ANKRD30BL: variants seen among roughly 807,000 people sequenced by gnomAD.
ANKRD30BL encodes putative ankyrin repeat domain-containing protein 30B-like.
A neutral mutation model predicts 18.4 loss-of-function variants in ANKRD30BL; 20 were observed. That is an observed-to-expected ratio of 1.09 (90% CI 0.77 to 1.58). The LOEUF is 1.58. ANKRD30BL is among the 40% of genes most tolerant of loss of function. The pLI is 0.00. For synonymous variants in ANKRD30BL, 72 were observed against 100.9 expected (o/e 0.71, Z 1.72); for missense variants, 224 against 268.6 (o/e 0.83, Z 1.16).
chr2:132,224,435 T>A (rs564362370), intron 1 of ANKRD30BL, among the ~76,000 whole-genome samples: 123 of 152,264 alleles, frequency 8.1e-4, no homozygotes, highest in African/African-American at 2.9e-3. Context: ...AGTGGATATT[T>A]GGACCGCTTT....
intron 1 of ANKRD30BL, among the ~76,000 whole-genome samples, chr2:132,256,346 C>T (rs903710401): frequency 1.3e-5 from 2 of 151,492 alleles, no homozygotes; most frequent in Non-Finnish European, 2.9e-5. Flanking sequence ...CCGGACATCC[C>T]ATCCACCCAC....
chr2:132,221,325 G>A (rs1215788764), intron 1 of ANKRD30BL, among the ~76,000 whole-genome samples: 1 of 148,286 alleles, frequency 6.7e-6, no homozygotes, highest in Non-Finnish European at 1.5e-5. Context: ...GAGGTGGGGG[G>A]GTCAGCCCCC....
chr2:132,253,464 G>C (rs76658560), intron 1 of ANKRD30BL, among the ~76,000 whole-genome samples: 2 of 152,110 alleles, frequency 1.3e-5, no homozygotes, highest in Admixed American at 6.5e-5. Context: ...AGGTGGTGCC[G>C]ACCACAGTGG....
chr2:132,233,826 C>T (rs1172126295), intron 1 of ANKRD30BL, among the ~76,000 whole-genome samples: 3 of 151,104 alleles, frequency 2.0e-5, no homozygotes, highest in African/African-American at 4.9e-5. Context: ...CAGCTCTGCA[C>T]CAAGTGGACC....
intron 1 of ANKRD30BL, among the ~76,000 whole-genome samples, chr2:132,256,718 C>T (rs75559596): frequency 6.6e-6 from 1 of 152,252 alleles, no homozygotes; most frequent in East Asian, 1.9e-4. Context: ...ACCAGGCCCA[C>T]TCGGGGTGCC....
chr2:132,229,770 C>A (rs1210136523), intron 1 of ANKRD30BL, among the ~76,000 whole-genome samples: 1 of 151,930 alleles, frequency 6.6e-6, no homozygotes, highest in Non-Finnish European at 1.5e-5. Flanking sequence ...AATTTGAGGA[C>A]TATGGTGGGA....
intron 1 of ANKRD30BL, among the ~76,000 whole-genome samples, chr2:132,241,593 T>C (rs1378659216): frequency 2.0e-5 from 3 of 151,920 alleles, no homozygotes; most frequent in East Asian, 3.9e-4. Context: ...TGAAGCTTTC[T>C]TTTGATACAG....
intron 1 of ANKRD30BL, among the ~76,000 whole-genome samples, chr2:132,173,911 A>G (rs1420438724): frequency 1.3e-5 from 2 of 152,194 alleles, no homozygotes; most frequent in African/African-American, 4.8e-5. Flanking sequence ...TTACAATAAC[A>G]CACCTGAGTG....
intron 1 of ANKRD30BL, among the ~76,000 whole-genome samples, chr2:132,215,384 A>G (rs1308658042): frequency 6.6e-6 from 1 of 152,232 alleles, no homozygotes; most frequent in Non-Finnish European, 1.5e-5. Flanking sequence ...AAGCATTCTG[A>G]CAAACCTATT....
intron 1 of ANKRD30BL, among the ~76,000 whole-genome samples, chr2:132,176,432 G>A (rs1230136583): frequency 6.6e-6 from 1 of 152,106 alleles, no homozygotes; most frequent in Non-Finnish European, 1.5e-5. Flanking sequence ...AGAGGCTGAG[G>A]CAGAAGAATC....
chr2:132,255,518 C>A lies in ANKRD30BL; in HGVS notation n.441+2011G>T, dbSNP rs556521966. On this transcript the variant is annotated intron_variant and non_coding_transcript_variant, in intron 1 of 4. Transcript: ENST00000470729. Reference sequence around the variant, plus strand: ...CCCACCCGCTCCCAAGATTCAACTACGAGCTTTTTAACTGCAACAACTTTA... The same window carrying A: ...CCCACCCGCTCCCAAGATTCAACTAAGAGCTTTTTAACTGCAACAACTTTA... Among the ~76,000 whole-genome samples, 217 of 151,964 alleles carry A rather than the reference C, an allele frequency of 1.4e-3. 1 individual carries two copies. The highest frequency in any genetic ancestry group is 5.0e-3 in the African/African-American group (208 of 41,456).
At chr2:132,187,184 GTTTGTTT>G (rs1688578193) in intron 1 of ANKRD30BL, among the ~76,000 whole-genome samples, 2 of 105,352 alleles carry the variant, frequency 1.9e-5, no homozygotes, top group Non-Finnish European at 3.7e-5. Flanking sequence ...TTTTTTTTTT[GTTTGTTT>G]TTTTTTTTTT....
chr2:132,232,998 C>A (rs1216496079), intron 1 of ANKRD30BL, among the ~76,000 whole-genome samples: 1 of 152,084 alleles, frequency 6.6e-6, no homozygotes, highest in Middle Eastern at 3.4e-3. Context: ...TGGCAGAAAC[C>A]CTACAAGCCA....
chr2:132,230,414 G>A (rs1478986913), intron 1 of ANKRD30BL, among the ~76,000 whole-genome samples: 1 of 151,714 alleles, frequency 6.6e-6, no homozygotes, highest in Non-Finnish European at 1.5e-5. Context: ...CACTCTTTTT[G>A]TATTATATGC....
intron 1 of ANKRD30BL, among the ~76,000 whole-genome samples, chr2:132,222,264 G>T (rs1028092257): frequency 6.7e-6 from 1 of 150,122 alleles, no homozygotes; most frequent in Non-Finnish European, 1.5e-5. Flanking sequence ...GGTGAGGGGC[G>T]CTTCTGCCCG....
At chr2:132,239,043 T>C (rs1177296701) in intron 1 of ANKRD30BL, among the ~76,000 whole-genome samples, 1 of 152,098 alleles carries the variant, frequency 6.6e-6, no homozygotes, top group African/African-American at 2.4e-5. Context: ...TGGATTTTCA[T>C]AGAGCAGTTT....
intron 1 of ANKRD30BL, among the ~76,000 whole-genome samples, chr2:132,157,946 T>A (rs1375092333): frequency 6.6e-6 from 1 of 152,222 alleles, no homozygotes; most frequent in Non-Finnish European, 1.5e-5. Context: ...GAGATAAAGC[T>A]ATTTTAATAA....
intron 1 of ANKRD30BL, among the ~76,000 whole-genome samples, chr2:132,246,291 A>T (rs537330177): frequency 5.3e-5 from 8 of 151,990 alleles, no homozygotes; most frequent in Admixed American, 2.6e-4. Flanking sequence ...GTGAAAAAGG[A>T]AATATCTTCC....
chr2:132,220,149 C>A (rs796485546), intron 1 of ANKRD30BL, among the ~76,000 whole-genome samples: 1 of 151,996 alleles, frequency 6.6e-6, no homozygotes, highest in East Asian at 1.9e-4. Context: ...TAGTGGCCTT[C>A]GTTGGAAATG....
Sources: gnomAD v4.1 joint callset for allele counts (sites outside exome capture counted in the v4.1 genomes callset) on GRCh38, gnomAD v4.1.1 for gene constraint, MANE v1.5 for transcripts, NCBI Gene and HGNC (gene_info 2026-07-23, HGNC 2026-07-21) for gene names.